The following MAML3 variants were observed in gnomAD, a reference collection of about 807,000 sequenced individuals.
MAML3 encodes mastermind-like protein 3.
Under a neutral mutation model 101.9 loss-of-function variants are expected in MAML3, and 27 were observed. The ratio of observed to expected loss-of-function variants is 0.27; its 90% confidence interval spans 0.20 to 0.37. MAML3 has a LOEUF of 0.37. Among genes scored for constraint, MAML3 ranks in the 10% least tolerant of loss-of-function variants. The pLI is 1.00. For synonymous variants in MAML3, 501 were observed against 555.9 expected, an observed-to-expected ratio of 0.90 and a Z score of 1.39; for missense variants, 1,316 against 1,444.9, an observed-to-expected ratio of 0.91 and a Z score of 1.45.
Position 140,030,230 on chromosome 4 carries a change from C to G in MAML3, c.468+122630G>C, listed in dbSNP as rs545489589. On this transcript the variant is annotated intron_variant, in intron 1 of 4. Coordinates refer to ENST00000509479, the MANE Select transcript of MAML3 (RefSeq NM_018717.5). The stretch of plus-strand genomic sequence containing the variant: ...TATTCTTCATCTTTAAATGTCCCAC[C>G]GATCACACGTCAGTGACTTCATGGC... 2.6e-5 allele frequency among the ~76,000 whole-genome samples: 4 copies of G among 152,122 alleles called. No homozygotes were observed. In the East Asian group the frequency reaches 7.7e-4, roughly 29 times the overall value.
chr4:139,961,623 A>G (rs1314204403), intron 1 of MAML3, among the ~76,000 whole-genome samples: 1 of 152,228 alleles, frequency 6.6e-6, no homozygotes, highest in Non-Finnish European at 1.5e-5. Flanking sequence ...AAAGTAGAAT[A>G]CAATAAAATG....
In MAML3 at chr4:139,908,289, T is replaced by A. The variant is rs540102499; in HGVS notation, c.469-17322A>T. Among the ~76,000 whole-genome samples, 27 of 152,352 alleles carry A rather than the reference T, an allele frequency of 1.8e-4. No homozygotes were observed. In the East Asian group the frequency reaches 4.8e-3, roughly 27 times the overall value. On this transcript the variant is annotated intron_variant, in intron 1 of 4. Transcript: ENST00000509479. ...CTAAAATATGTAACTAATTCCTGAT[T>A]TTGAAAATAGTAAGTTTGTCTATCA...
At chr4:139,865,496 G>GTTTTTTTTTTT (rs1175520994) in intron 2 of MAML3, among the ~76,000 whole-genome samples, 2 of 122,626 alleles carry the variant, frequency 1.6e-5, no homozygotes, top group African/African-American at 2.7e-5. Context: ...TTTTTTTTTT[G>GTTTTTTTTTTT]TTTTTTTTTT....
chr4:140,097,411 C>T (rs1223932319), intron 1 of MAML3, among the ~76,000 whole-genome samples: 2 of 152,084 alleles, frequency 1.3e-5, no homozygotes, highest in South Asian at 2.1e-4. Context: ...AGGTTTTGTT[C>T]GAGTTGTTAC....
At chr4:139,778,391 G>A (rs1023799350) in intron 2 of MAML3, among the ~76,000 whole-genome samples, 15 of 152,140 alleles carry the variant, frequency 9.9e-5, no homozygotes, top group Non-Finnish European at 1.9e-4. Context: ...ATCCTTATCA[G>A]GGTCAGAGAA....
rs116678365 is a variant in MAML3 at position 140,024,697 on chromosome 4, G to A, written c.468+128163C>T. ...AATAGCTGAGGAAGAAATACAATTT[G>A]GAGTTACATGAAGCCCATAATATAA... On this transcript the variant is annotated intron_variant, in intron 1 of 4. Transcript: ENST00000509479. Among the ~76,000 whole-genome samples the A allele has an allele frequency of 1.9e-3, 295 of 152,220 alleles. 1 individual carries two copies. Among genetic ancestry groups the A allele is most frequent in the African/African-American group, 6.7e-3 (277 of 41,534 alleles).
chr4:139,868,908 G>A (rs1221854884), intron 2 of MAML3, among the ~76,000 whole-genome samples: 2 of 152,126 alleles, frequency 1.3e-5, no homozygotes, highest in Admixed American at 6.5e-5. Flanking sequence ...AAAGCTCACA[G>A]GAAAAGAATT....
Position 139,869,667 on chromosome 4 carries a change from A to C in MAML3, c.2079+19690T>G, listed in dbSNP as rs1191980761. ...CACCCCCGCGGCCAAACTCCAACAA[A>C]ACACACGTAATATTCATTAAAAAAG... On this transcript the variant is annotated intron_variant, in intron 2 of 4. Coordinates refer to ENST00000509479, the MANE Select transcript of MAML3 (RefSeq NM_018717.5). Among the ~76,000 whole-genome samples the C allele has an allele frequency of 3.3e-5, 5 of 152,138 alleles. No homozygotes were observed. The South Asian group carries it at 1.0e-3, about 32-fold the overall frequency.
chr4:139,903,591 C>T (rs1578589453), intron 1 of MAML3, among the ~76,000 whole-genome samples: 1 of 152,294 alleles, frequency 6.6e-6, no homozygotes, highest in Admixed American at 6.5e-5. Context: ...CTCCCAGTAT[C>T]TCAGAATGTG....
chr4:139,934,148 A>C (rs1022228877), intron 1 of MAML3, among the ~76,000 whole-genome samples: 4 of 151,770 alleles, frequency 2.6e-5, no homozygotes, highest in African/African-American at 9.7e-5. Flanking sequence ...TCATGTGTGA[A>C]TGTGTTTATG....
intron 1 of MAML3, among the ~76,000 whole-genome samples, chr4:139,991,072 A>G (rs1417927444): frequency 6.6e-6 from 1 of 152,226 alleles, no homozygotes; most frequent in Non-Finnish European, 1.5e-5. Context: ...ATATAGAACC[A>G]AAAGAGAGCC....
chr4:139,791,091 C>A (rs1455869404), intron 2 of MAML3, among the ~76,000 whole-genome samples: 2 of 152,152 alleles, frequency 1.3e-5, no homozygotes, highest in Admixed American at 6.5e-5. Flanking sequence ...GTTTAAATAT[C>A]TTTTAAACTC....
rs151111328 is a variant in MAML3 at position 140,110,627 on chromosome 4, G to A, written c.468+42233C>T. Among the ~76,000 whole-genome samples, 14 of 152,284 alleles carry A rather than the reference G, an allele frequency of 9.2e-5. No homozygotes were observed. In the East Asian group the frequency reaches 2.7e-3, roughly 29 times the overall value. ...TGGAGAAAAGTACTTACAGGAAAGA[G>A]TAATTAAATTTAAAGGCAACATTCA... On this transcript the variant is annotated intron_variant, in intron 1 of 4. Coordinates refer to ENST00000509479, the MANE Select transcript of MAML3 (RefSeq NM_018717.5).
chr4:139,764,747 T>C (rs2111058265), intron 2 of MAML3, among the ~76,000 whole-genome samples: 1 of 152,258 alleles, frequency 6.6e-6, no homozygotes, highest in Non-Finnish European at 1.5e-5. Context: ...AGACATTGAG[T>C]GTGTTCTCTT....
At chr4:139,858,452 CTTTTTTT>C (rs59968954) in intron 2 of MAML3, among the ~76,000 whole-genome samples, 126 of 131,366 alleles carry the variant, frequency 9.6e-4, no homozygotes, top group Non-Finnish European at 1.2e-3. Context: ...TGATTCTTGG[CTTTTTTT>C]TTTTTTTTTT....
intron 1 of MAML3, among the ~76,000 whole-genome samples, chr4:140,029,609 G>T (rs1726876965): frequency 6.6e-6 from 1 of 152,014 alleles, no homozygotes. Context: ...CAGAAAAAGA[G>T]GGCTTATTAC....
intron 4 of MAML3, among the ~76,000 whole-genome samples, chr4:139,725,260 G>C (rs1332411594): frequency 1.3e-5 from 2 of 152,184 alleles, no homozygotes; most frequent in Non-Finnish European, 2.9e-5. Flanking sequence ...AGTGGTTGTT[G>C]CAAGCCAGAT....
chr4:140,151,622 G>A (rs1729169364), intron 1 of MAML3, among the ~76,000 whole-genome samples: 1 of 151,988 alleles, frequency 6.6e-6, no homozygotes. Flanking sequence ...AACAGGCGAA[G>A]GCGCGCGGCC....
chr4:139,816,721 C>T (rs1434001910), intron 2 of MAML3, among the ~76,000 whole-genome samples: 1 of 151,888 alleles, frequency 6.6e-6, no homozygotes, highest in East Asian at 1.9e-4. Context: ...AGGTCTTTCA[C>T]TTCTAATTAA....
Sources: allele counts gnomAD v4.1 joint callset (sites outside exome capture counted in the v4.1 genomes callset), GRCh38; gene constraint gnomAD v4.1.1; transcripts MANE v1.5; gene names NCBI Gene and HGNC (gene_info 2026-07-23, HGNC 2026-07-21).